Variants in MYT1 observed in about 807,000 individuals in gnomAD.
MYT1 encodes the protein myelin transcription factor 1, also known as myelin transcription factor I.
Under a neutral mutation model 123.0 loss-of-function variants are expected in MYT1, and 23 were observed. The observed-to-expected ratio is 0.19, with a 90% CI of 0.13 to 0.26. The LOEUF (loss-of-function observed/expected upper bound fraction) is 0.26. Ranked by LOEUF, MYT1 falls within the 10% of genes least tolerant of loss-of-function variation. The pLI is 1.00. For synonymous variants in MYT1, 518 were observed against 575.3 expected (o/e 0.90, Z 1.43); for missense variants, 1,125 against 1,472.5 (o/e 0.76, Z 3.86).
At chr20:64,183,518 G>T (rs1982712507) in intron 1 of MYT1, among the ~76,000 whole-genome samples, 1 of 152,110 alleles carries the variant, frequency 6.6e-6, no homozygotes, top group Non-Finnish European at 1.5e-5. Flanking sequence ...GCCAACACTT[G>T]TTACTATCTG....
At chr20:64,217,566 G>A (rs565690962) in intron 11 of MYT1, among the ~76,000 whole-genome samples, 3 of 152,352 alleles carry the variant, frequency 2.0e-5, no homozygotes, top group South Asian at 2.1e-4. Flanking sequence ...CGTTACGGGC[G>A]TGTGTGTCCA....
chr20:64,199,375 G>C (rs1479366410), intron 3 of MYT1, among the ~76,000 whole-genome samples: 1 of 152,184 alleles, frequency 6.6e-6, no homozygotes, highest in African/African-American at 2.4e-5. Flanking sequence ...TTACCTCCCT[G>C]ATACGGGCGG....
rs548329023 is a variant in MYT1 at position 64,189,782 on chromosome 20, G to A, written c.-98-281G>A. On this transcript the variant is annotated intron_variant, in intron 1 of 22. Coordinates refer to ENST00000328439, the MANE Select transcript of MYT1 (RefSeq NM_004535.3). This position sits in a 1 kb window ranked among gnomAD's most constrained non-coding sequence, Gnocchi z 5.5. ...GCCTTGTCCCAGCACTCTGCTGGCC[G>A]TGGTTGTCAGTGGGAACCAACACCT... 3.9e-5 allele frequency among the ~76,000 whole-genome samples: 6 copies of A among 152,282 alleles called. No homozygotes were observed. The highest frequency in any genetic ancestry group is 3.4e-3 in the Middle Eastern group (1 of 294).
chr20:64,239,850 G>C lies in MYT1; in HGVS notation c.3184G>C (p.Gly1062Arg). 1 of 1,613,810 alleles carries C rather than the reference G, an allele frequency of 6.2e-7. No homozygotes were observed. The highest frequency in any genetic ancestry group is 1.3e-5 in the African/African-American group (1 of 75,070). Residue 1062 changes from glycine to arginine, a missense_variant, in exon 22 of 23, where the codon GGC (glycine) becomes CGC (arginine). By Grantham distance (125) the Gly-to-Arg change is moderately radical. This residue lies in a region of MYT1 where 243 missense variants were observed against 323.1 expected (regional missense o/e 0.75). Transcript: ENST00000328439. ...TGAAGCCCTGTTTCTGGAGCTGTCC[G>C]GCCTGAGCCAGGCCCTCATCCAAAG... is the stretch of plus-strand genomic sequence containing the variant. The part of the protein sequence containing the change: ...QNEALFLELS[G>R]LSQALIQSLA...
Position 64,205,679 on chromosome 20 carries a change from C to A in MYT1, c.276C>A (p.Asp92Glu), listed in dbSNP as rs139520042. 6.2e-6 allele frequency: 10 copies of A among 1,614,066 alleles called. No individual in the cohort carries two copies. In the African/African-American group the frequency reaches 1.1e-4, roughly 17 times the overall value. ...ALDEGYGVDSDGSEDTEVKDA... is the reference protein window; with the variant it reads ...ALDEGYGVDSEGSEDTEVKDA... ...ACGAGGGCTATGGTGTGGACAGCGA[C>A]GGCAGTGAGGACACTGAGGTGAAGG... The change falls in exon 6 of 23, where the codon GAC becomes GAA. Residue 92 changes from aspartate to glutamate, a missense_variant. Around this residue, in one of 4 missense-constraint regions of MYT1, gnomAD observed 406 missense variants for 432.2 expected, o/e 0.94. Transcript: ENST00000328439.
At chr20:64,179,197 A>G (rs2145695011) in intron 1 of MYT1, among the ~76,000 whole-genome samples, 1 of 150,668 alleles carries the variant, frequency 6.6e-6, no homozygotes, top group East Asian at 2.0e-4. Flanking sequence ...GATACCCTTC[A>G]ACGTGGGAGC....
Position 64,166,985 on chromosome 20 carries a change from G to A in MYT1, c.-99+2246G>A, listed in dbSNP as rs1223904910. ...TGGGCGCTCTCCCTGGTGCTGCTCA[G>A]AGACTCACTCCCTTCCTCTCTGGCC... is the stretch of plus-strand genomic sequence containing the variant. On this transcript the variant is annotated intron_variant, in intron 1 of 22. Coordinates refer to ENST00000328439, the MANE Select transcript of MYT1 (RefSeq NM_004535.3). This position sits in a 1 kb window ranked among gnomAD's most constrained non-coding sequence, Gnocchi z 4.9. 6.6e-6 allele frequency among the ~76,000 whole-genome samples: 1 copy of A among 152,132 alleles called. No homozygotes were observed. Among genetic ancestry groups the A allele is most frequent in the African/African-American group, 2.4e-5 (1 of 41,434 alleles).
In MYT1 at chr20:64,189,730, C is replaced by G. The variant is rs201481611; in HGVS notation, c.-98-333C>G. Among the ~76,000 whole-genome samples, 24 of 152,266 alleles carry G rather than the reference C, an allele frequency of 1.6e-4. 1 individual carries two copies. In the East Asian group the frequency reaches 4.6e-3, roughly 29 times the overall value. ...TTTCAAAGTTGGAGGGGTGACATGC[C>G]AAGTTTTCTCAAGGTGGCTCTCAGC... On this transcript the variant is annotated intron_variant, in intron 1 of 22. Transcript: ENST00000328439. This position sits in a 1 kb window ranked among gnomAD's most constrained non-coding sequence, Gnocchi z 5.5.
intron 1 of MYT1, 45 bp downstream of exon 1, chr20:64,164,784 G>A (rs925771722): frequency 6.6e-6 from 1 of 152,176 alleles, no homozygotes; most frequent in African/African-American, 2.4e-5. Context: ...GATACCCAAC[G>A]CTTGGCTTTT....
In MYT1 at chr20:64,202,304, GT is replaced by G. The variant is rs1249148485; in HGVS notation, c.86+2385del. The stretch of plus-strand genomic sequence containing the variant: ...CTGGGAGTGCCTGAGCGAAGAAGCA[GT>G]TTGATGGTTTTTCCTTTCACCCCAT... On this transcript the variant is annotated intron_variant, in intron 4 of 22. Coordinates refer to ENST00000328439, the MANE Select transcript of MYT1 (RefSeq NM_004535.3). The surrounding 1 kb of genome is among the most constrained non-coding windows in gnomAD (Gnocchi z 5.0). Among the ~76,000 whole-genome samples, 2 of 152,314 alleles carry G rather than the reference GT, an allele frequency of 1.3e-5. No individual in the cohort carries two copies. The highest frequency in any genetic ancestry group is 3.9e-4 in the East Asian group (2 of 5,170).
chr20:64,198,828 T>C, intron 2 of MYT1, 34 bp from the exon 3 acceptor site: 4 of 1,612,412 alleles, frequency 2.5e-6, no homozygotes, highest in Non-Finnish European at 2.5e-6. Flanking sequence ...ACTGGCTGGG[T>C]TTTCTTGTTA....
At chr20:64,173,241 T>A (rs915034276) in intron 1 of MYT1, among the ~76,000 whole-genome samples, 2 of 152,152 alleles carry the variant, frequency 1.3e-5, no homozygotes, top group Non-Finnish European at 2.9e-5. Flanking sequence ...CCTGGCCAAT[T>A]TCCCTCCCCT....
Position 64,205,675 on chromosome 20 carries a change from G to C in MYT1, c.272G>C (p.Ser91Thr), listed in dbSNP as rs777042877. The C allele has an allele frequency of 6.2e-7, 1 of 1,614,226 alleles. No individual in the cohort carries two copies. Among genetic ancestry groups the C allele is most frequent in the Non-Finnish European group, 8.5e-7 (1 of 1,180,026 alleles). The change falls in exon 6 of 23, where the codon AGC becomes ACC. Residue 91 changes from serine to threonine, a missense_variant. Physicochemically the swap from Ser to Thr is moderately conservative, Grantham distance 58 (BLOSUM62 1). This residue lies in a region of MYT1 where 406 missense variants were observed against 432.2 expected (regional missense o/e 0.94). Coordinates refer to ENST00000328439, the MANE Select transcript of MYT1 (RefSeq NM_004535.3). ...LALDEGYGVDSDGSEDTEVKD... is the reference protein window; with the variant it reads ...LALDEGYGVDTDGSEDTEVKD... ...CTGGACGAGGGCTATGGTGTGGACA[G>C]CGACGGCAGTGAGGACACTGAGGTG...
intron 19 of MYT1, among the ~76,000 whole-genome samples, chr20:64,235,632 T>C (rs1460164200): frequency 2.6e-4 from 37 of 140,980 alleles, no homozygotes; most frequent in African/African-American, 8.6e-4. Flanking sequence ...TGGGTGACCC[T>C]GGGCTGGCCG....
chr20:64,211,409 G>T, intron 8 of MYT1, 69 bp downstream of exon 8: 1 of 1,530,942 alleles, frequency 6.5e-7, no homozygotes, highest in Non-Finnish European at 8.9e-7. Flanking sequence ...TTTGGGTGGT[G>T]TCTATGGGGA....
chr20:64,222,942 T>G (rs573621035), intron 14 of MYT1, among the ~76,000 whole-genome samples, 169 bp from the exon 15 acceptor site: 3 of 152,222 alleles, frequency 2.0e-5, no homozygotes, highest in Non-Finnish European at 2.9e-5. Flanking sequence ...GGGAGAAACT[T>G]CCAGCCTGAG....
intron 17 of MYT1, 116 bp from the exon 18 acceptor site, chr20:64,227,772 A>G (rs1984210743): frequency 1.2e-6 from 1 of 860,858 alleles, no homozygotes; most frequent in Non-Finnish European, 1.8e-6. Flanking sequence ...GGTTGCCCTC[A>G]CTCCCTCCCA....
At chr20:64,187,928 C>A (rs368902852) in intron 1 of MYT1, among the ~76,000 whole-genome samples, 1 of 152,190 alleles carries the variant, frequency 6.6e-6, no homozygotes, top group South Asian at 2.1e-4. Context: ...AGAAGCTCAG[C>A]GGCTTTGCTG....
In MYT1 at chr20:64,208,352, G is replaced by T. The variant is rs1224565423; in HGVS notation, c.1156G>T (p.Ala386Ser). 3 of 1,613,870 alleles carry T rather than the reference G, an allele frequency of 1.9e-6. No homozygotes were observed. The highest frequency in any genetic ancestry group is 1.3e-5 in the African/African-American group (1 of 74,932). The change falls in exon 7 of 23, where the codon GCC becomes TCC. Residue 386 changes from alanine to serine, a missense_variant. Ala to Ser is a moderately conservative substitution (Grantham distance 99). Around this residue, in one of 4 missense-constraint regions of MYT1, gnomAD observed 429 missense variants for 604.1 expected, o/e 0.71. Coordinates refer to ENST00000328439, the MANE Select transcript of MYT1 (RefSeq NM_004535.3). This position sits in a 1 kb window ranked among gnomAD's most constrained non-coding sequence, Gnocchi z 5.4. ...CCTGGGCCTCCTGGAGCAGGCCATC[G>T]CCCTGAAGGCTGAACAGGTGCGCAC... ...GNLGLLEQAIALKAEQVRTVC... is the reference protein window; with the variant it reads ...GNLGLLEQAISLKAEQVRTVC...
Sources: allele counts gnomAD v4.1 joint callset (sites outside exome capture counted in the v4.1 genomes callset), GRCh38; gene constraint gnomAD v4.1.1; regional missense constraint gnomAD v4.1.1; non-coding constraint Gnocchi (gnomAD v3.1); transcripts MANE v1.5; gene names NCBI Gene and HGNC (gene_info 2026-07-23, HGNC 2026-07-21).